TCP11L1: variants seen among roughly 807,000 people sequenced by gnomAD.
TCP11L1 encodes t-complex 11 like 1.
TCP11L1 carries 28 observed loss-of-function variants against 48.9 expected under a neutral mutation model. The ratio of observed to expected loss-of-function variants is 0.57; its 90% CI spans 0.42 to 0.78. The LOEUF is 0.78. Among genes scored for constraint, TCP11L1 ranks in the 30% least tolerant of loss-of-function variants. The pLI, the probability that TCP11L1 is intolerant of heterozygous loss-of-function variation, is 0.00. For synonymous variants in TCP11L1, 204 were observed against 231.9 expected (o/e 0.88, Z 1.09); for missense variants, 505 against 613.4 (o/e 0.82, Z 1.87).
chr11:33,059,749 G>A (rs137990017), intron 6 of TCP11L1, among the ~76,000 whole-genome samples: 10 of 152,324 alleles, frequency 6.6e-5, no homozygotes, highest in Middle Eastern at 3.4e-3. Context: ...CTCTGGGTTG[G>A]TTGGGTTGCC....
intron 2 of TCP11L1, among the ~76,000 whole-genome samples, chr11:33,049,198 C>T (rs1029754384): frequency 3.4e-5 from 5 of 145,814 alleles, no homozygotes; most frequent in Non-Finnish European, 7.4e-5. Context: ...TGCAGTGAGC[C>T]GAGATCGCGC....
At chr11:33,066,101 A>C in intron 8 of TCP11L1, 90 bp downstream of exon 8, 2 of 1,503,784 alleles carry the variant, frequency 1.3e-6, no homozygotes, top group Non-Finnish European at 1.8e-6. Context: ...TGTAAGGCAG[A>C]GCCCAGGGCC....
At chr11:33,047,686 T>A (rs11032120) in intron 2 of TCP11L1, among the ~76,000 whole-genome samples, 62,446 of 152,058 alleles carry the variant, frequency 0.41, 13,042 homozygotes, top group African/African-American at 0.48. Context: ...CAGTCAAATA[T>A]TTATTGAGTG....
At chr11:33,057,002 A>G (rs891265892) in intron 3 of TCP11L1, 113 bp from the exon 4 acceptor site, 1 of 1,441,088 alleles carries the variant, frequency 6.9e-7, no homozygotes, top group African/African-American at 1.4e-5. Flanking sequence ...TCCTTGGTCC[A>G]AATCACTGGG....
At chr11:33,064,532 C>T (rs1547022) in intron 7 of TCP11L1, among the ~76,000 whole-genome samples, 52,774 of 151,882 alleles carry the variant, frequency 0.35, 9,558 homozygotes, top group East Asian at 0.45. Context: ...CGGGTGGGGG[C>T]GCTGGCATGG....
chr11:33,049,814 G>A (rs1854105466), intron 2 of TCP11L1, among the ~76,000 whole-genome samples: 1 of 152,152 alleles, frequency 6.6e-6, no homozygotes, highest in Non-Finnish European at 1.5e-5. Flanking sequence ...TATCTCAACT[G>A]CAAAGAGGCC....
At chr11:33,061,949 G>A (rs1854480337) in intron 7 of TCP11L1, among the ~76,000 whole-genome samples, 1 of 152,136 alleles carries the variant, frequency 6.6e-6, no homozygotes, top group African/African-American at 2.4e-5. Flanking sequence ...GGGCGTGGTA[G>A]CAGGGGCCTG....
rs1423400798 is a variant in TCP11L1 at position 33,061,734 on chromosome 11, T to C, written c.972+8T>C. ...CAGAGGCCGTTCCCCGAAGTAGGTC[T>C]CCTGAGCCATCTCACTACTCATATT... is the stretch of plus-strand genomic sequence containing the variant. On this transcript the variant is annotated splice_region_variant and intron_variant, in intron 7 of 9. Coordinates refer to ENST00000334274, the MANE Select transcript of TCP11L1 (RefSeq NM_018393.4). 1 of 1,583,322 alleles carries C rather than the reference T, an allele frequency of 6.3e-7. No homozygotes were observed. Among genetic ancestry groups the C allele is most frequent in the Non-Finnish European group, 8.6e-7 (1 of 1,162,202 alleles).
chr11:33,072,531 T>G lies in TCP11L1; in HGVS notation c.1385T>G (p.Leu462Trp), dbSNP rs1854824552. ...CTTGCCTCGGGTCATCAGAAGCCAT[T>G]GCCCACAGTCCCTGGGGGACTCAGT... Reference protein sequence around the residue: ...TYLASGHQKPLPTVPGGLSPV... With the variant: ...TYLASGHQKPWPTVPGGLSPV... The change falls in exon 10 of 10, where the codon TTG becomes TGG. Residue 462 changes from leucine to tryptophan, a missense_variant. Physicochemically the swap from Leu to Trp is moderately conservative, Grantham distance 61. This residue lies in a region of TCP11L1 where 335 missense variants were observed against 413.3 expected (regional missense o/e 0.81). Transcript: ENST00000334274. 2 of 1,614,050 alleles carry G rather than the reference T, an allele frequency of 1.2e-6. No homozygotes were observed.
intron 2 of TCP11L1, among the ~76,000 whole-genome samples, chr11:33,050,378 ACC>A (rs1218853131): frequency 1.5e-4 from 2 of 13,672 alleles, no homozygotes; most frequent in Non-Finnish European, 3.9e-4. Context: ...GTTTAATAAC[ACC>A]TGATGCTTGA....
chr11:33,071,514 C>G (rs987498055), intron 9 of TCP11L1, among the ~76,000 whole-genome samples: 2 of 152,076 alleles, frequency 1.3e-5, no homozygotes, highest in Admixed American at 1.3e-4. Context: ...GTGGCTTGAT[C>G]AAATCTTTTT....
rs112723851 is a variant in TCP11L1 at position 33,054,694 on chromosome 11, C to A, written c.265C>A (p.Gln89Lys). 1.3e-4 allele frequency: 215 copies of A among 1,613,674 alleles called. No homozygotes were observed. In the African/African-American group the frequency reaches 2.6e-3, roughly 20 times the overall value. Residue 89 changes from glutamine to lysine, a missense_variant, in exon 3 of 10, where the codon CAG becomes AAG. Transcript: ENST00000334274. ...TGAAATTGTAGTAAATGGAGACTTT[C>A]AGATTAAACCAGTTGAATTACCAGA... ...AHEIVVNGDF[Q>K]IKPVELPENS...
At chr11:33,044,320 G>C (rs942986906) in intron 2 of TCP11L1, among the ~76,000 whole-genome samples, 10 of 151,928 alleles carry the variant, frequency 6.6e-5, no homozygotes, top group African/African-American at 1.2e-4. Context: ...ATGTGAGTAA[G>C]TTCACCACAC....
intron 7 of TCP11L1, among the ~76,000 whole-genome samples, chr11:33,063,616 G>T (rs748705768): frequency 6.6e-6 from 1 of 152,080 alleles, no homozygotes; most frequent in African/African-American, 2.4e-5. Context: ...ACTTCTAACT[G>T]CAAGACCTCT....
At chr11:33,057,064 A>G (rs113829943) in intron 3 of TCP11L1, 51 bp from the exon 4 acceptor site, 1 of 1,610,486 alleles carries the variant, frequency 6.2e-7, no homozygotes. Context: ...GTGATTTGAA[A>G]CTCAAATATT....
At position 33,072,805 on chromosome 11, in the gene TCP11L1, A is replaced by G. The variant is rs1854836206; in HGVS notation, c.*129A>G. On this transcript the variant is annotated 3_prime_UTR_variant, in exon 10 of 10. Coordinates refer to ENST00000334274, the MANE Select transcript of TCP11L1 (RefSeq NM_018393.4). ...AACAGCACCGATTCCAAAGGGAAGA[A>G]TATTGTGTATCACTGTTGAAAAGAC... 1.0e-6 allele frequency: 1 copy of G among 984,642 alleles called. No individual in the cohort carries two copies. The highest frequency in any genetic ancestry group is 1.5e-6 in the Non-Finnish European group (1 of 653,310). The allele number at this position is 984,642 out of a possible 1,614,324, so 61.0% of individuals were successfully genotyped here. A position where few individuals can be genotyped will look rare whatever the true frequency, so the allele number is the denominator to read the frequency against.
At chr11:33,055,192 A>G (rs1475639670) in intron 3 of TCP11L1, among the ~76,000 whole-genome samples, 1 of 152,264 alleles carries the variant, frequency 6.6e-6, no homozygotes, top group Non-Finnish European at 1.5e-5. Flanking sequence ...ATTTTAAGAA[A>G]GATCCAAGTT....
rs577794335 is a variant in TCP11L1, at chr11:33,056,953, T to TA, written c.297-159dup. On this transcript the variant is annotated intron_variant, in intron 3 of 9. Transcript: ENST00000334274. ...TGCAAAAAATCACTAACTTTTAAAA[T>TA]AAAGTATGCCCTCAGTTGAAGTATG... is the stretch of plus-strand genomic sequence containing the variant. Among the ~76,000 whole-genome samples, 11 of 152,328 alleles carry TA rather than the reference T, an allele frequency of 7.2e-5. No homozygotes were observed. The South Asian group carries it at 2.3e-3, about 32-fold the overall frequency.
At chr11:33,048,567 TTATC>T (rs1854065970) in intron 2 of TCP11L1, among the ~76,000 whole-genome samples, 1 of 152,262 alleles carries the variant, frequency 6.6e-6, no homozygotes, top group African/African-American at 2.4e-5. Flanking sequence ...ACTGTAGCTT[TTATC>T]TATCATGATC....
Sources: allele counts gnomAD v4.1 joint callset (sites outside exome capture counted in the v4.1 genomes callset), GRCh38; gene constraint gnomAD v4.1.1; regional missense constraint gnomAD v4.1.1; transcripts MANE v1.5; gene names NCBI Gene and HGNC (gene_info 2026-07-23, HGNC 2026-07-21).